Variants in CACHD1 observed in about 807,000 individuals in gnomAD.
CACHD1 encodes the protein VWFA and cache domain-containing protein 1.
In CACHD1, 71 loss-of-function variants were observed where a neutral mutation model predicts 138.7. The ratio of observed to expected loss-of-function variants is 0.51; its 90% CI spans 0.42 to 0.62. CACHD1 has a LOEUF of 0.62. Ranked by LOEUF, CACHD1 falls within the 20% of genes least tolerant of loss-of-function variation. The probability of loss-of-function intolerance (pLI) is 0.00; values close to 1 mark genes in which losing one functional copy is unlikely to be tolerated. For missense variants in CACHD1, 1,389 were observed against 1,625.3 expected (o/e 0.85, Z 2.50); for synonymous variants, 578 against 591.5 (o/e 0.98, Z 0.33).
intron 20 of CACHD1, 39 bp downstream of exon 20, chr1:64,675,600 T>C (rs1338584006): frequency 3.2e-6 from 5 of 1,561,464 alleles, no homozygotes. Flanking sequence ...TTCACCACAC[T>C]GTTTAATATT....
chr1:64,537,062 C>T (rs548227346), intron 1 of CACHD1, among the ~76,000 whole-genome samples: 1 of 152,270 alleles, frequency 6.6e-6, no homozygotes, highest in South Asian at 2.1e-4. Flanking sequence ...AGCAGGAGTC[C>T]TGTTGCCCTC....
intron 1 of CACHD1, among the ~76,000 whole-genome samples, chr1:64,484,261 C>T (rs1646228413): frequency 6.6e-6 from 1 of 151,798 alleles, no homozygotes; most frequent in African/African-American, 2.4e-5. Context: ...AACCAATCAA[C>T]GGAGAGGTTG....
At chr1:64,477,584 GATTATTATTATT>G (rs10701038) in intron 1 of CACHD1, among the ~76,000 whole-genome samples, 111 of 136,138 alleles carry the variant, frequency 8.2e-4, no homozygotes, top group Middle Eastern at 3.8e-3. Flanking sequence ...CTTCCCCCCA[GATTATTATTATT>G]ATTATTATTA....
At chr1:64,652,453 C>T (rs915181033) in intron 10 of CACHD1, 143 bp downstream of exon 10, 10 of 688,902 alleles carry the variant, frequency 1.5e-5, no homozygotes, top group Admixed American at 6.9e-5. Context: ...AGTAGAACAC[C>T]GTAAAGATGG....
intron 1 of CACHD1, among the ~76,000 whole-genome samples, chr1:64,525,333 T>C (rs141828941): frequency 6.6e-6 from 1 of 152,292 alleles, no homozygotes; most frequent in East Asian, 1.9e-4. Flanking sequence ...AATTTCTCAA[T>C]GATTAATACA....
chr1:64,473,909 C>T (rs1449729597), intron 1 of CACHD1, among the ~76,000 whole-genome samples: 1 of 152,112 alleles, frequency 6.6e-6, no homozygotes, highest in Non-Finnish European at 1.5e-5. Context: ...TTTACAAAAA[C>T]AAAAACCTAG....
intron 26 of CACHD1, among the ~76,000 whole-genome samples, chr1:64,690,692 G>A (rs1274245176): frequency 6.6e-6 from 1 of 152,214 alleles, no homozygotes; most frequent in African/African-American, 2.4e-5. Context: ...TCATTTCCCT[G>A]AATTGTAAAA....
intron 26 of CACHD1, among the ~76,000 whole-genome samples, chr1:64,685,390 A>G (rs919216075): frequency 2.0e-5 from 3 of 152,186 alleles, no homozygotes; most frequent in South Asian, 4.1e-4. Context: ...CACATTTCTC[A>G]TAATGTATCT....
At chr1:64,634,611 T>G (rs551394522) in intron 7 of CACHD1, among the ~76,000 whole-genome samples, 5 of 152,200 alleles carry the variant, frequency 3.3e-5, no homozygotes, top group African/African-American at 1.2e-4. Context: ...TCTCAAACTC[T>G]TGAACTCAAG....
intron 2 of CACHD1, among the ~76,000 whole-genome samples, chr1:64,577,656 T>G (rs1646979774): frequency 6.6e-6 from 1 of 152,218 alleles, no homozygotes; most frequent in Non-Finnish European, 1.5e-5. Context: ...TAAGTTGGTA[T>G]ATGCATGTGA....
intron 1 of CACHD1, among the ~76,000 whole-genome samples, chr1:64,492,134 A>T (rs747956243): frequency 9.2e-5 from 14 of 151,608 alleles, no homozygotes; most frequent in Non-Finnish European, 1.9e-4. Flanking sequence ...TTAAAAAAAG[A>T]AATTTGGAAT....
At chr1:64,623,907 T>G (rs768413293) in intron 4 of CACHD1, among the ~76,000 whole-genome samples, 26 of 152,328 alleles carry the variant, frequency 1.7e-4, no homozygotes, top group Non-Finnish European at 3.4e-4. Flanking sequence ...CCTGGACCAC[T>G]TCCAACATTT....
chr1:64,500,776 G>C (rs144767315), intron 1 of CACHD1, among the ~76,000 whole-genome samples: 1 of 148,298 alleles, frequency 6.7e-6, no homozygotes, highest in African/African-American at 2.5e-5. Flanking sequence ...GTCCGGACGC[G>C]GTGGCTCATG....
At chr1:64,658,027 T>A (rs939917361) in intron 12 of CACHD1, among the ~76,000 whole-genome samples, 1 of 152,230 alleles carries the variant, frequency 6.6e-6, no homozygotes, top group Non-Finnish European at 1.5e-5. Flanking sequence ...AAAATACTAC[T>A]GTTTCTACAT....
At chr1:64,553,846 T>G (rs541907747) in intron 2 of CACHD1, among the ~76,000 whole-genome samples, 1 of 152,358 alleles carries the variant, frequency 6.6e-6, no homozygotes, top group South Asian at 2.1e-4. Flanking sequence ...GTTCTTTATA[T>G]AAATTTTAAG....
intron 26 of CACHD1, among the ~76,000 whole-genome samples, chr1:64,687,790 G>C (rs1650415067): frequency 6.6e-6 from 1 of 152,014 alleles, no homozygotes; most frequent in African/African-American, 2.4e-5. Context: ...TGCGTTGGTG[G>C]GGGGTGGGGC....
intron 2 of CACHD1, among the ~76,000 whole-genome samples, chr1:64,564,625 A>G (rs924838097): frequency 6.6e-6 from 1 of 152,212 alleles, no homozygotes; most frequent in Non-Finnish European, 1.5e-5. Flanking sequence ...GCTACAGAGA[A>G]GATTGCTATT....
intron 3 of CACHD1, among the ~76,000 whole-genome samples, chr1:64,586,681 T>C (rs977081514): frequency 2.4e-4 from 37 of 152,326 alleles, no homozygotes; most frequent in African/African-American, 8.7e-4. Context: ...AGACATTTTT[T>C]TAAATTTGAT....
chr1:64,477,602 TATTATTATTATTATTATTATTA>T (rs1646181489), intron 1 of CACHD1, among the ~76,000 whole-genome samples: 2 of 144,208 alleles, frequency 1.4e-5, no homozygotes, highest in African/African-American at 5.3e-5. Context: ...TTATTATTAT[TATTATTATTATTATTATTATTA>T]TTTTATTTTA....
Sources: gnomAD v4.1 joint callset for allele counts (sites outside exome capture counted in the v4.1 genomes callset) on GRCh38, gnomAD v4.1.1 for gene constraint, MANE v1.5 for transcripts, NCBI Gene and HGNC (gene_info 2026-07-23, HGNC 2026-07-21) for gene names.